Variants in CUL4A observed in about 807,000 individuals in gnomAD.
CUL4A encodes cullin 4A.
CUL4A carries 16 observed loss-of-function variants against 95.5 expected under a neutral mutation model. The observed-to-expected ratio is 0.17, with a 90% CI of 0.11 to 0.25. The LOEUF is 0.25. Ranked by LOEUF, CUL4A falls within the 10% of genes least tolerant of loss-of-function variation. The pLI, the probability that CUL4A is intolerant of heterozygous loss-of-function variation, is 1.00. For synonymous variants in CUL4A, 380 were observed against 353.1 expected (o/e 1.08, Z -0.85); for missense variants, 610 against 937.0 (o/e 0.65, Z 4.56).
intron 11 of CUL4A, chr13:113,244,108 C>G (rs2041795838): frequency 4.0e-6 from 1 of 253,164 alleles, no homozygotes; most frequent in Non-Finnish European, 7.6e-6. Flanking sequence ...CAGTCACGTC[C>G]TGAAACCTGA....
intron 9 of CUL4A, among the ~76,000 whole-genome samples, chr13:113,237,318 T>C (rs991137727): frequency 7.2e-5 from 11 of 152,234 alleles, no homozygotes; most frequent in Non-Finnish European, 1.2e-4. Flanking sequence ...TTCGTGCATC[T>C]TAGTGTCAGA....
Position 113,253,211 on chromosome 13 carries a change from CATTT to C in CUL4A, c.1752+21_1752+24del. The C allele has an allele frequency of 7.3e-7, 1 of 1,371,122 alleles. No individual in the cohort carries two copies. The highest frequency in any genetic ancestry group is 9.9e-7 in the Non-Finnish European group (1 of 1,005,180). 84.9% of individuals were successfully genotyped at this position (1,371,122 alleles called of 1,614,324 possible). On this transcript the variant is annotated intron_variant, in intron 16 of 19. Coordinates refer to ENST00000375440, the MANE Select transcript of CUL4A (RefSeq NM_001008895.4). ...GTTTAAAGAAGTAAGTTGTCTGTTT[CATTT>C]ATTTTTTATTATTTGTAAATATGTT... is the stretch of plus-strand genomic sequence containing the variant.
intron 3 of CUL4A, among the ~76,000 whole-genome samples, chr13:113,221,642 G>A (rs567946674): frequency 5.3e-5 from 8 of 152,154 alleles, no homozygotes; most frequent in African/African-American, 1.2e-4. Flanking sequence ...GCAGTGGCAC[G>A]ATCTCGGCTC....
At chr13:113,245,815 T>A (rs1387608977) in intron 14 of CUL4A, 141 bp from the exon 15 acceptor site, 16 of 661,972 alleles carry the variant, frequency 2.4e-5, no homozygotes, top group Non-Finnish European at 4.0e-5. Context: ...GCATTGGGTT[T>A]CATGGAATAC....
chr13:113,230,050 G>C (rs1041720808), intron 5 of CUL4A: 2 of 207,208 alleles, frequency 9.7e-6, no homozygotes, highest in Non-Finnish European at 1.9e-5. Context: ...GCTGACCCCT[G>C]TGTGTCCTCT....
chr13:113,233,009 A>T, intron 5 of CUL4A, 168 bp from the exon 6 acceptor site: 1 of 684,034 alleles, frequency 1.5e-6, no homozygotes, highest in Non-Finnish European at 2.4e-6. Context: ...AAGGCGCGCT[A>T]GACTGGCTGA....
At chr13:113,222,064 C>G (rs528788181) in intron 3 of CUL4A, among the ~76,000 whole-genome samples, 1 of 152,300 alleles carries the variant, frequency 6.6e-6, no homozygotes, top group South Asian at 2.1e-4. Context: ...GTGGGCAGCC[C>G]TGGCGCTGAG....
Position 113,245,947 on chromosome 13 carries a change from C to A in CUL4A, c.1531-9C>A. On this transcript the variant is annotated splice_polypyrimidine_tract_variant and intron_variant, in intron 14 of 19. Transcript: ENST00000375440. Reference sequence around the variant, plus strand: ...CTCAAAATGATTGTCTTGGATTTCTCTGTTTTAGCATATGCAGAATCAGAG... The same window carrying A: ...CTCAAAATGATTGTCTTGGATTTCTATGTTTTAGCATATGCAGAATCAGAG... 1 of 1,582,198 alleles carries A rather than the reference C, an allele frequency of 6.3e-7. No homozygotes were observed. Among genetic ancestry groups the A allele is most frequent in the Non-Finnish European group, 8.6e-7 (1 of 1,157,648 alleles).
At chr13:113,245,392 T>TCCG in intron 14 of CUL4A, among the ~76,000 whole-genome samples, 155 bp downstream of exon 14, 1 of 152,130 alleles carries the variant, frequency 6.6e-6, no homozygotes, top group Non-Finnish European at 1.5e-5. Context: ...CAAGACCCAG[T>TCCG]CTCTACAAAA....
intron 18 of CUL4A, 76 bp from the exon 19 acceptor site, chr13:113,260,531 C>A: frequency 4.5e-6 from 6 of 1,345,958 alleles, no homozygotes; most frequent in South Asian, 1.4e-5. Flanking sequence ...GCCCAGGCAA[C>A]TGAGTGAGAC....
At chr13:113,208,272 G>A (rs1423962182), upstream of CUL4A, 2 of 1,440,410 alleles carry the variant, frequency 1.4e-6, no homozygotes, top group East Asian at 2.5e-5. Context: ...TGGCCCGCAG[G>A]CCCTTCGGAC....
intron 2 of CUL4A, among the ~76,000 whole-genome samples, chr13:113,215,434 C>T (rs772154771): frequency 7.4e-5 from 11 of 147,824 alleles, no homozygotes; most frequent in Admixed American, 1.3e-4. Context: ...CTGTGGAGGT[C>T]GCTGTGTGAC....
chr13:113,250,658 A>C (rs546870032), intron 15 of CUL4A, among the ~76,000 whole-genome samples: 6 of 152,274 alleles, frequency 3.9e-5, no homozygotes, highest in African/African-American at 1.4e-4. Context: ...GTTTTTAGGA[A>C]AGATATGCAC....
intron 2 of CUL4A, among the ~76,000 whole-genome samples, chr13:113,215,715 TGTGTGGCTATGGAGGTCGCGTCCC>T (rs1171579920): frequency 6.7e-6 from 1 of 148,586 alleles, no homozygotes; most frequent in African/African-American, 2.5e-5. Context: ...TGGAGGTCGC[TGTGTGGCTATGGAGGTCGCGTCCC>T]GTGTGGCTGT....
chr13:113,220,714 A>G (rs2040864972), intron 3 of CUL4A, among the ~76,000 whole-genome samples: 1 of 152,058 alleles, frequency 6.6e-6, no homozygotes, highest in Non-Finnish European at 1.5e-5. Flanking sequence ...TTTGCCAGTT[A>G]CTCCTACTCT....
chr13:113,208,607 G>C, upstream of CUL4A: 4 of 1,609,110 alleles, frequency 2.5e-6, no homozygotes, highest in South Asian at 1.1e-5. Flanking sequence ...ACCTGCTGCA[G>C]GTACTGGTTA....
Position 113,245,966 on chromosome 13 carries a change from A to C in CUL4A, c.1541A>C (p.Asn514Thr). ...ATTTCTCTGTTTTAGCATATGCAGA[A>C]TCAGAGTGACTCAGGCCCTATAGAC... Reference protein sequence around the residue: ...IMVHFKQHMQNQSDSGPIDLT... With the variant: ...IMVHFKQHMQTQSDSGPIDLT... The change falls in exon 15 of 20, where the codon AAT becomes ACT. Residue 514 changes from asparagine to threonine, a missense_variant. Coordinates refer to ENST00000375440, the MANE Select transcript of CUL4A (RefSeq NM_001008895.4). The C allele has an allele frequency of 6.2e-7, 1 of 1,612,764 alleles. No individual in the cohort carries two copies. The highest frequency in any genetic ancestry group is 8.5e-7 in the Non-Finnish European group (1 of 1,179,114).
At chr13:113,232,068 T>TCACCACTACCTGCCCACCACCATTACTGC (rs1566342970) in intron 5 of CUL4A, among the ~76,000 whole-genome samples, 1 of 83,030 alleles carries the variant, frequency 1.2e-5, no homozygotes, top group African/African-American at 4.5e-5. Context: ...ACCATTACTG[T>TCACCACTACCTGCCCACCACCATTACTGC]CACCACTACC....
chr13:113,227,959 C>T lies in CUL4A; in HGVS notation c.369-17C>T. 1 of 1,540,936 alleles carries T rather than the reference C, an allele frequency of 6.5e-7. No individual in the cohort carries two copies. The highest frequency in any genetic ancestry group is 1.2e-5 in the South Asian group (1 of 84,270). ...AATTGGCCAGCATTTTTAAAGTTTT[C>T]CTTAGCAGATCTGTACAGACTCACT... On this transcript the variant is annotated splice_polypyrimidine_tract_variant and intron_variant, in intron 3 of 19. Transcript: ENST00000375440.
Sources: allele counts gnomAD v4.1 joint callset (sites outside exome capture counted in the v4.1 genomes callset), GRCh38; gene constraint gnomAD v4.1.1; transcripts MANE v1.5; gene names NCBI Gene and HGNC (gene_info 2026-07-23, HGNC 2026-07-21).